Variants in MPP3 observed in about 807,000 individuals in gnomAD.
MPP3 encodes the protein MAGUK p55 scaffold protein 3.
In MPP3, 48 loss-of-function variants were observed where a neutral mutation model predicts 80.7. The ratio of observed to expected loss-of-function variants is 0.59; its 90% CI spans 0.47 to 0.76. The LOEUF (loss-of-function observed/expected upper bound fraction) is 0.76, where lower values mean the gene tolerates loss of function less well. MPP3 is among the 30% of genes least tolerant of loss of function. The probability of loss-of-function intolerance (pLI) is 0.00; values close to 1 mark genes in which losing one functional copy is unlikely to be tolerated. For missense variants in MPP3, 620 were observed against 763.0 expected (o/e 0.81, Z 2.21); for synonymous variants, 311 against 297.6 (o/e 1.04, Z -0.46).
chr17:43,832,056 G>A, intron 2 of MPP3, 113 bp from the exon 3 acceptor site: 5 of 722,582 alleles, frequency 6.9e-6, no homozygotes, highest in Non-Finnish European at 1.2e-5. Context: ...AGAGAGGATG[G>A]GAACAAATAA....
intron 16 of MPP3, chr17:43,811,435 C>T (rs962877255): frequency 1.5e-5 from 8 of 525,914 alleles, no homozygotes; most frequent in Non-Finnish European, 2.8e-5. Context: ...CCTTTTGCAG[C>T]TGAGAAAACT....
intron 16 of MPP3, among the ~76,000 whole-genome samples, chr17:43,811,958 T>C (rs2044883040): frequency 6.6e-6 from 1 of 152,236 alleles, no homozygotes; most frequent in Non-Finnish European, 1.5e-5. Context: ...CTTCATTGTT[T>C]TTTATTTTTT....
chr17:43,816,882 C>T (rs1474988747), intron 12 of MPP3, among the ~76,000 whole-genome samples, 185 bp from the exon 13 acceptor site: 2 of 152,206 alleles, frequency 1.3e-5, no homozygotes, highest in African/African-American at 4.8e-5. Flanking sequence ...TCTAATTAGT[C>T]TTCTTGTATG....
rs544090127 is a variant in MPP3, at chr17:43,801,832, G to A, written c.1627C>T (p.Arg543Trp). The A allele has an allele frequency of 4.0e-5, 65 of 1,613,834 alleles. No homozygotes were observed. The highest frequency in any genetic ancestry group is 8.3e-5 in the Admixed American group (5 of 59,994). The change falls in exon 20 of 20, where the codon CGG becomes TGG. Residue 543 changes from arginine (R) to tryptophan (W), a missense_variant. Physicochemically the swap from Arg to Trp is moderately radical, Grantham distance 101 (BLOSUM62 -3). Coordinates refer to ENST00000398389, the MANE Select transcript of MPP3 (RefSeq NM_001932.6). ...EMAASAAFID[R>W]HYGHLVDAVL... Reference sequence around the variant, plus strand: ...GCGTCTACCAGGTGCCCGTAATGCCGGTCTATGAAGGCGGCAGAAGCGGCC... The same window carrying A: ...GCGTCTACCAGGTGCCCGTAATGCCAGTCTATGAAGGCGGCAGAAGCGGCC...
At position 43,829,714 on chromosome 17, in the gene MPP3, A is replaced by T. The variant is rs2045873228; in HGVS notation, c.381T>A (p.Asp127Glu). The change falls in exon 7 of 20, where the codon GAT becomes GAA. Residue 127 changes from aspartate to glutamate, a missense_variant. Physicochemically the swap from Asp to Glu is conservative, Grantham distance 45 (BLOSUM62 2). Transcript: ENST00000398389. ...PVLPPLPDNI[D>E]EDFDEESVKI... ...TCACCGATTCCTCATCAAAATCCTC[A>T]TCGATATTGTCAGGCAGAGGCGGGA... 1.2e-6 allele frequency: 2 copies of T among 1,613,898 alleles called. No individual in the cohort carries two copies. The highest frequency in any genetic ancestry group is 1.7e-5 in the Admixed American group (1 of 59,978).
rs777514067 is a variant in MPP3 at position 43,829,646 on chromosome 17, G to A, written c.441+8C>T. The A allele has an allele frequency of 1.9e-6, 3 of 1,613,386 alleles. No individual in the cohort carries two copies. The highest frequency in any genetic ancestry group is 1.7e-6 in the Non-Finnish European group (2 of 1,179,944). On this transcript the variant is annotated splice_region_variant and intron_variant, in intron 7 of 19. Transcript: ENST00000398389. ...GTGGGTTAGAGAGGGGCAGGCAGCA[G>A]CACCTACCAGGGGTTCCTTGTTCTT...
intron 19 of MPP3, 134 bp downstream of exon 19, chr17:43,808,822 A>G (rs17675122): frequency 0.19 from 200,811 of 1,057,012 alleles, 20,978 homozygotes; most frequent in Middle Eastern, 0.22. Context: ...AATAGGCAAA[A>G]TGGAAAGACA....
At chr17:43,806,154 T>C (rs568543131) in intron 19 of MPP3, among the ~76,000 whole-genome samples, 3 of 152,102 alleles carry the variant, frequency 2.0e-5, no homozygotes, top group Non-Finnish European at 4.4e-5. Flanking sequence ...ACATGGCTTT[T>C]ATTTATTTAT....
At chr17:43,816,130 C>G (rs369488489) in intron 13 of MPP3, 51 bp from the exon 14 acceptor site, 3 of 1,464,518 alleles carry the variant, frequency 2.0e-6, no homozygotes, top group Admixed American at 6.0e-5. Context: ...CAGACACATC[C>G]GGCCCAGGGC....
At chr17:43,828,702 T>C (rs1057365560) in intron 7 of MPP3, among the ~76,000 whole-genome samples, 1 of 152,222 alleles carries the variant, frequency 6.6e-6, no homozygotes, top group Non-Finnish European at 1.5e-5. Flanking sequence ...CTGTGCCATC[T>C]ATTTGAAGTA....
chr17:43,829,720 A>G lies in MPP3; in HGVS notation c.375T>C (p.Asn125=). Residue 125 remains asparagine, a synonymous_variant, in exon 7 of 20, where the codon AAT becomes AAC. Coordinates refer to ENST00000398389, the MANE Select transcript of MPP3 (RefSeq NM_001932.6). ...FDPVLPPLPD[N]IDEDFDEESV... is the part of the protein sequence containing the mutation. ...ATTCCTCATCAAAATCCTCATCGAT[A>G]TTGTCAGGCAGAGGCGGGAGAACGG... is the stretch of plus-strand genomic sequence containing the variant. The G allele has an allele frequency of 6.2e-7, 1 of 1,614,000 alleles. No homozygotes were observed. Among genetic ancestry groups the G allele is most frequent in the African/African-American group, 1.3e-5 (1 of 74,956 alleles).
intron 18 of MPP3, among the ~76,000 whole-genome samples, chr17:43,809,707 G>A (rs986269550): frequency 2.6e-5 from 4 of 151,928 alleles, no homozygotes; most frequent in East Asian, 1.9e-4. Flanking sequence ...GTGAAACCCC[G>A]TCTCTACTAA....
At chr17:43,825,687 G>T in intron 9 of MPP3, 69 bp downstream of exon 9, 1 of 1,075,796 alleles carries the variant, frequency 9.3e-7, no homozygotes. Context: ...ATCTGTCCTG[G>T]CTCCAGGAAG....
chr17:43,809,102 T>C (rs1485851366), intron 18 of MPP3, 24 bp from the exon 19 acceptor site: 3 of 1,570,790 alleles, frequency 1.9e-6, no homozygotes, highest in Non-Finnish European at 2.6e-6. Flanking sequence ...TTCAGGAATA[T>C]TATATACTTT....
Position 43,816,658 on chromosome 17 carries a change from GGATA to G in MPP3, c.967+15_967+18del, listed in dbSNP as rs2045152747. Reference sequence around the variant, plus strand: ...AAAAGGGGCCACGCCTGTGGACAGCGGATAGATACTGGGCCTACCTTTGTCACAA... The same window carrying G: ...AAAAGGGGCCACGCCTGTGGACAGCGGATACTGGGCCTACCTTTGTCACAA... On this transcript the variant is annotated intron_variant, in intron 13 of 19. Coordinates refer to ENST00000398389, the MANE Select transcript of MPP3 (RefSeq NM_001932.6). 2 of 1,569,362 alleles carry G rather than the reference GGATA, an allele frequency of 1.3e-6. No homozygotes were observed. The highest frequency in any genetic ancestry group is 1.7e-6 in the Non-Finnish European group (2 of 1,156,482).
rs766628704 is a variant in MPP3, at chr17:43,808,933, GA to G, written c.1581+22del. On this transcript the variant is annotated intron_variant, in intron 19 of 19. Coordinates refer to ENST00000398389, the MANE Select transcript of MPP3 (RefSeq NM_001932.6). Reference sequence around the variant, plus strand: ...CAGCCTCCCTTAGGCCTTCAGAAAAGAAACAATCAACTTTAAACTTACAAAT... The same window carrying G: ...CAGCCTCCCTTAGGCCTTCAGAAAAGAACAATCAACTTTAAACTTACAAAT... The G allele has an allele frequency of 3.8e-6, 6 of 1,583,506 alleles. No individual in the cohort carries two copies. The South Asian group carries it at 5.9e-5, about 16-fold the overall frequency.
At chr17:43,813,975 GCAGA>G (rs1219150614) in intron 16 of MPP3, 32 bp downstream of exon 16, 1 of 1,496,486 alleles carries the variant, frequency 6.7e-7, no homozygotes, top group Admixed American at 1.8e-5. Context: ...TTGTGTGTGT[GCAGA>G]CAAACACACA....
At chr17:43,812,702 T>A (rs919555561) in intron 16 of MPP3, among the ~76,000 whole-genome samples, 1 of 152,202 alleles carries the variant, frequency 6.6e-6, no homozygotes, top group African/African-American at 2.4e-5. Flanking sequence ...GTGGAGTGCC[T>A]AGAAGCAGGT....
At position 43,829,691 on chromosome 17, in the gene MPP3, A is replaced by G; in HGVS notation, c.404T>C (p.Val135Ala). The G allele has an allele frequency of 6.2e-7, 1 of 1,614,080 alleles. No homozygotes were observed. The highest frequency in any genetic ancestry group is 8.5e-7 in the Non-Finnish European group (1 of 1,180,012). The change falls in exon 7 of 20, where the codon GTG becomes GCG. Residue 135 changes from valine (V) to alanine (A), a missense_variant. Physicochemically the swap from Val to Ala is moderately conservative, Grantham distance 64 (BLOSUM62 0). Coordinates refer to ENST00000398389, the MANE Select transcript of MPP3 (RefSeq NM_001932.6). ...GTTCTTCACCAAGCGGACGATCTTC[A>G]CCGATTCCTCATCAAAATCCTCATC... Reference protein sequence around the residue: ...NIDEDFDEESVKIVRLVKNKE... With the variant: ...NIDEDFDEESAKIVRLVKNKE...
Sources: gnomAD v4.1 joint callset for allele counts (sites outside exome capture counted in the v4.1 genomes callset) on GRCh38, gnomAD v4.1.1 for gene constraint, MANE v1.5 for transcripts, NCBI Gene and HGNC (gene_info 2026-07-23, HGNC 2026-07-21) for gene names.